Variants in CEP112 observed in about 807,000 individuals in gnomAD.
CEP112 encodes the protein centrosomal protein of 112 kDa.
Under a neutral mutation model 153.0 loss-of-function variants are expected in CEP112, and 127 were observed. That is an observed-to-expected ratio of 0.83 (90% CI 0.72 to 0.96). CEP112 has a LOEUF of 0.96. CEP112 is among the 40% of genes least tolerant of loss of function. The probability of loss-of-function intolerance (pLI) is 0.00; values close to 1 mark genes in which losing one functional copy is unlikely to be tolerated. For synonymous variants in CEP112, 358 were observed against 374.4 expected (o/e 0.96, Z 0.51); for missense variants, 1,089 against 1,101.2 (o/e 0.99, Z 0.16).
intron 24 of CEP112, among the ~76,000 whole-genome samples, chr17:65,675,268 A>G (rs1473575549): frequency 6.6e-6 from 1 of 152,230 alleles, no homozygotes; most frequent in Admixed American, 6.5e-5. Flanking sequence ...AAGTATATCT[A>G]TAATTAATTA....
At chr17:66,011,377 T>C (rs2064520767) in intron 16 of CEP112, among the ~76,000 whole-genome samples, 1 of 152,180 alleles carries the variant, frequency 6.6e-6, no homozygotes, top group Non-Finnish European at 1.5e-5. Flanking sequence ...TGAACTTCAC[T>C]CTTAACACTG....
chr17:65,821,893 T>C (rs2056604951), intron 21 of CEP112, among the ~76,000 whole-genome samples: 1 of 151,810 alleles, frequency 6.6e-6, no homozygotes. Context: ...TGTCACTAAT[T>C]CACTAAGAAG....
At chr17:66,109,682 T>C (rs1272197501) in intron 6 of CEP112, among the ~76,000 whole-genome samples, 2 of 152,054 alleles carry the variant, frequency 1.3e-5, no homozygotes, top group Non-Finnish European at 2.9e-5. Flanking sequence ...AGTCTCGATG[T>C]TGCAAAAAAT....
At chr17:65,982,848 GTA>G (rs1463854738) in intron 17 of CEP112, among the ~76,000 whole-genome samples, 1 of 152,156 alleles carries the variant, frequency 6.6e-6, no homozygotes, top group Non-Finnish European at 1.5e-5. Context: ...ACTAACTATG[GTA>G]TATACACACA....
chr17:65,729,386 A>G lies in CEP112; in HGVS notation c.2607+13682T>C, dbSNP rs1206622072. ...TACATAAATATGTGCATATACACCT[A>G]TGTAGCATATATGAGGCTGGTGCAA... On this transcript the variant is annotated intron_variant, in intron 23 of 26. Transcript: ENST00000535342. 3.9e-5 allele frequency among the ~76,000 whole-genome samples: 6 copies of G among 152,254 alleles called. No homozygotes were observed. The East Asian group carries it at 9.7e-4, about 25-fold the overall frequency.
chr17:66,166,211 T>A (rs1251617052), intron 4 of CEP112, among the ~76,000 whole-genome samples: 1 of 152,122 alleles, frequency 6.6e-6, no homozygotes, highest in African/African-American at 2.4e-5. Flanking sequence ...TGGCACCTAA[T>A]TAAATGCCTT....
At chr17:65,742,348 A>G (rs1418504058) in intron 23 of CEP112, among the ~76,000 whole-genome samples, 10 of 152,154 alleles carry the variant, frequency 6.6e-5, no homozygotes, top group Non-Finnish European at 1.0e-4. Flanking sequence ...ATTCTTTAAA[A>G]ATTTTTTGTT....
At chr17:66,016,234 T>C (rs1318054494) in intron 16 of CEP112, among the ~76,000 whole-genome samples, 1 of 152,190 alleles carries the variant, frequency 6.6e-6, no homozygotes, top group Non-Finnish European at 1.5e-5. Context: ...TTCTGTGTAA[T>C]GCTCTCATTC....
chr17:65,893,351 A>C (rs1001666889), intron 20 of CEP112, among the ~76,000 whole-genome samples: 1 of 152,158 alleles, frequency 6.6e-6, no homozygotes, highest in African/African-American at 2.4e-5. Context: ...CCTAAGCAAA[A>C]CAAATAAAAA....
At position 65,970,385 on chromosome 17, in the gene CEP112, A is replaced by ATATTACATGCACACATCATGCATG. The variant is rs2062655550; in HGVS notation, c.1737-8788_1737-8787insCATGCATGATGTGTGCATGTAATA. On this transcript the variant is annotated intron_variant, in intron 17 of 26. Transcript: ENST00000535342. ...TATATTACATGCACACATCATGCAT[A>ATATTACATGCACACATCATGCATG]TATATTACATGCATGCACACATCAT... 9.9e-3 allele frequency among the ~76,000 whole-genome samples: 169 copies of ATATTACATGCACACATCATGCATG among 16,992 alleles called. 26 individuals carry two copies. Among genetic ancestry groups the ATATTACATGCACACATCATGCATG allele is most frequent in the African/African-American group, 0.039 (159 of 4,052 alleles). The allele number at this position is 16,992 out of a possible 152,430, so 11.1% of individuals were successfully genotyped here.
At chr17:65,659,059 C>T (rs1425810486) in intron 24 of CEP112, among the ~76,000 whole-genome samples, 1 of 147,238 alleles carries the variant, frequency 6.8e-6, no homozygotes. Context: ...CCATTTCTAT[C>T]CCCTGCCTTG....
At chr17:65,770,499 A>G (rs2053281122) in intron 21 of CEP112, among the ~76,000 whole-genome samples, 1 of 152,152 alleles carries the variant, frequency 6.6e-6, no homozygotes, top group Non-Finnish European at 1.5e-5. Flanking sequence ...TAAGTCGTTC[A>G]GGCAGATGGA....
chr17:65,679,167 T>TTTTTTTC, intron 24 of CEP112, among the ~76,000 whole-genome samples: 1 of 117,892 alleles, frequency 8.5e-6, no homozygotes, highest in Non-Finnish European at 1.7e-5. Context: ...TTTTTTTTTT[T>TTTTTTTC]TTTTCAGAAA....
intron 21 of CEP112, among the ~76,000 whole-genome samples, chr17:65,800,851 A>G (rs773437052): frequency 3.3e-5 from 5 of 152,196 alleles, no homozygotes; most frequent in Non-Finnish European, 4.4e-5. Flanking sequence ...TAGCATTTCC[A>G]TAATGACTAA....
intron 19 of CEP112, among the ~76,000 whole-genome samples, chr17:65,925,570 C>T (rs774425645): frequency 1.6e-4 from 24 of 152,158 alleles, no homozygotes; most frequent in Non-Finnish European, 3.4e-4. Flanking sequence ...AAGAATGTGC[C>T]TTTAAAATCC....
rs139806524 is a variant in CEP112 at position 66,140,706 on chromosome 17, A to G, written c.471-7943T>C. Among the ~76,000 whole-genome samples, 1,383 of 152,214 alleles carry G rather than the reference A, an allele frequency of 9.1e-3. 24 individuals are homozygous for G. The highest frequency in any genetic ancestry group is 0.032 in the African/African-American group (1,326 of 41,536). On this transcript the variant is annotated intron_variant, in intron 4 of 26. Coordinates refer to ENST00000535342, the MANE Select transcript of CEP112 (RefSeq NM_001199165.4). ...TGCCAAGGCTGGGGTGCAATGGTGC[A>G]ATCTTGGCTCACTGCAACCTCCACC...
At chr17:65,970,981 A>T (rs979627640) in intron 17 of CEP112, among the ~76,000 whole-genome samples, 10 of 152,178 alleles carry the variant, frequency 6.6e-5, no homozygotes, top group Middle Eastern at 3.2e-3. Flanking sequence ...GGCTGATTTT[A>T]AAAAACTTTG....
At chr17:65,964,499 T>C (rs2062336991) in intron 17 of CEP112, among the ~76,000 whole-genome samples, 1 of 152,192 alleles carries the variant, frequency 6.6e-6, no homozygotes, top group Non-Finnish European at 1.5e-5. Context: ...TGTTTGAATA[T>C]AAAAATATCT....
chr17:65,837,294 C>T (rs1159342922), intron 21 of CEP112, among the ~76,000 whole-genome samples: 3 of 151,764 alleles, frequency 2.0e-5, no homozygotes, highest in African/African-American at 4.8e-5. Context: ...CCCCTCTGCC[C>T]GGCCGCCCAG....
Sources: allele counts gnomAD v4.1 joint callset (sites outside exome capture counted in the v4.1 genomes callset), GRCh38; gene constraint gnomAD v4.1.1; transcripts MANE v1.5; gene names NCBI Gene and HGNC (gene_info 2026-07-23, HGNC 2026-07-21).